THRB: variants seen among roughly 807,000 people sequenced by gnomAD.
The protein encoded by THRB is thyroid hormone receptor beta.
THRB carries 12 observed loss-of-function variants against 47.8 expected under a neutral mutation model. The ratio of observed to expected loss-of-function variants is 0.25; its 90% confidence interval spans 0.16 to 0.41. The LOEUF is 0.41. Ranked by LOEUF, THRB falls within the 10% of genes least tolerant of loss-of-function variation. The probability of loss-of-function intolerance (pLI) is 1.00; values close to 1 mark genes in which losing one functional copy is unlikely to be tolerated. For missense variants in THRB, 348 were observed against 589.2 expected, an observed-to-expected ratio of 0.59 and a Z score of 4.24; for synonymous variants, 218 against 212.2, an observed-to-expected ratio of 1.03 and a Z score of -0.24.
At chr3:24,482,996 T>C (rs1310234388) in intron 1 of THRB, among the ~76,000 whole-genome samples, 4 of 152,234 alleles carry the variant, frequency 2.6e-5, no homozygotes, top group African/African-American at 4.8e-5. Context: ...TGATACTTCT[T>C]ATCATTGGTT....
intron 4 of THRB, among the ~76,000 whole-genome samples, chr3:24,206,511 G>C (rs1448098202): frequency 2.6e-5 from 4 of 152,106 alleles, no homozygotes; most frequent in African/African-American, 9.7e-5. Flanking sequence ...AGTGTGTAGA[G>C]GGAAATTTAC....
chr3:24,139,831 T>G (rs2035206595), intron 8 of THRB, among the ~76,000 whole-genome samples: 1 of 152,214 alleles, frequency 6.6e-6, no homozygotes, highest in Non-Finnish European at 1.5e-5. Flanking sequence ...AATGACAACA[T>G]GTAATCCCAT....
intron 3 of THRB, among the ~76,000 whole-genome samples, chr3:24,231,063 G>A (rs7632903): frequency 0.45 from 68,518 of 152,010 alleles, 15,716 homozygotes; most frequent in African/African-American, 0.5. Context: ...ATCCTCTTCT[G>A]CTCCTCCAGG....
At chr3:24,145,223 C>T (rs561894260) in intron 7 of THRB, among the ~76,000 whole-genome samples, 137 of 152,000 alleles carry the variant, frequency 9.0e-4, no homozygotes, top group Non-Finnish European at 1.3e-3. Context: ...ACAAGGTAGG[C>T]AATGATTTCA....
At chr3:24,473,686 A>G (rs1324645632) in intron 1 of THRB, among the ~76,000 whole-genome samples, 1 of 152,194 alleles carries the variant, frequency 6.6e-6, no homozygotes, top group Non-Finnish European at 1.5e-5. Flanking sequence ...CTTGGAACCA[A>G]CCCAAATGCC....
intron 1 of THRB, among the ~76,000 whole-genome samples, chr3:24,481,801 T>C (rs1476099719): frequency 2.0e-5 from 3 of 149,254 alleles, no homozygotes; most frequent in Non-Finnish European, 4.4e-5. Flanking sequence ...AAAATATGCA[T>C]TGGACTCCAA....
chr3:24,481,238 T>TG, intron 1 of THRB, among the ~76,000 whole-genome samples: 1 of 141,340 alleles, frequency 7.1e-6, no homozygotes, highest in African/African-American at 2.7e-5. Flanking sequence ...TGTTTTTTTT[T>TG]TTTTTTTTTT....
At chr3:24,474,738 A>G (rs922188506) in intron 1 of THRB, among the ~76,000 whole-genome samples, 48 of 152,176 alleles carry the variant, frequency 3.2e-4, no homozygotes, top group Non-Finnish European at 5.9e-4. Flanking sequence ...GCTGCAGACC[A>G]TATGTGCTAT....
At chr3:24,323,523 G>A (rs1345175666) in intron 2 of THRB, among the ~76,000 whole-genome samples, 2 of 152,206 alleles carry the variant, frequency 1.3e-5, no homozygotes, top group African/African-American at 4.8e-5. Context: ...TCTGGAGTGA[G>A]TCCTGAGATT....
At chr3:24,157,358 G>A (rs922822670) in intron 5 of THRB, among the ~76,000 whole-genome samples, 4 of 151,972 alleles carry the variant, frequency 2.6e-5, no homozygotes, top group African/African-American at 9.7e-5. Flanking sequence ...GGGCGAGCAG[G>A]AGGACCAAGT....
intron 1 of THRB, among the ~76,000 whole-genome samples, chr3:24,399,991 G>A (rs1212886662): frequency 6.6e-6 from 1 of 152,106 alleles, no homozygotes; most frequent in Non-Finnish European, 1.5e-5. Context: ...TATAAAAACT[G>A]TTTTCAAATT....
intron 3 of THRB, among the ~76,000 whole-genome samples, chr3:24,241,971 CCCA>C (rs904935462): frequency 3.9e-5 from 6 of 152,072 alleles, no homozygotes; most frequent in African/African-American, 9.7e-5. Flanking sequence ...CCTTCCTCCC[CCCA>C]CAAGTTAGCA....
chr3:24,390,797 A>AAAAAATATATAT (rs5847290), intron 1 of THRB, among the ~76,000 whole-genome samples: 1 of 137,862 alleles, frequency 7.3e-6, no homozygotes, highest in African/African-American at 2.7e-5. Flanking sequence ...AAAAAAAAAA[A>AAAAAATATATAT]ATATATATAT....
At chr3:24,473,764 A>G (rs1307932941) in intron 1 of THRB, among the ~76,000 whole-genome samples, 1 of 152,248 alleles carries the variant, frequency 6.6e-6, no homozygotes, top group Admixed American at 6.5e-5. Context: ...AGCCATAAAA[A>G]AGGATGAGTT....
intron 1 of THRB, among the ~76,000 whole-genome samples, chr3:24,422,064 A>C (rs2069315362): frequency 6.6e-6 from 1 of 151,966 alleles, no homozygotes; most frequent in South Asian, 2.1e-4. Flanking sequence ...TACTACTTCA[A>C]CCAACAATGA....
chr3:24,265,574 G>A (rs1428010799), intron 3 of THRB, among the ~76,000 whole-genome samples: 2 of 152,090 alleles, frequency 1.3e-5, no homozygotes, highest in African/African-American at 2.4e-5. Context: ...TTATAATAAT[G>A]TCCATTAAAT....
rs554403810 is a variant in THRB, at chr3:24,373,336, C to T, written c.-260-35965G>A. On this transcript the variant is annotated intron_variant, in intron 1 of 10. Transcript: ENST00000646209. ...GAACGTGTATGCAAACTGAAGTCAACGCAGGCCCTTTAACCCCAGTCTGAT... is the reference window on the plus strand; with the variant it reads ...GAACGTGTATGCAAACTGAAGTCAATGCAGGCCCTTTAACCCCAGTCTGAT... Among the ~76,000 whole-genome samples, 13 of 152,236 alleles carry T rather than the reference C, an allele frequency of 8.5e-5. No homozygotes were observed. The South Asian group carries it at 1.9e-3, about 22-fold the overall frequency.
intron 3 of THRB, among the ~76,000 whole-genome samples, chr3:24,253,418 C>T (rs148176635): frequency 7.2e-4 from 109 of 152,246 alleles, no homozygotes; most frequent in African/African-American, 2.6e-3. Context: ...AATCTCTGCC[C>T]TCACTGAGCT....
intron 3 of THRB, among the ~76,000 whole-genome samples, chr3:24,248,321 A>G (rs2050314040): frequency 1.3e-5 from 2 of 152,158 alleles, no homozygotes; most frequent in Non-Finnish European, 2.9e-5. Context: ...CTACAAATGA[A>G]TACTCCTCTA....
Sources: gnomAD v4.1 joint callset for allele counts (sites outside exome capture counted in the v4.1 genomes callset) on GRCh38, gnomAD v4.1.1 for gene constraint, MANE v1.5 for transcripts, NCBI Gene and HGNC (gene_info 2026-07-23, HGNC 2026-07-21) for gene names.